Variants in C12orf42 observed in about 807,000 individuals in gnomAD.
The protein encoded by C12orf42 is uncharacterized protein C12orf42.
A neutral mutation model predicts 21.6 loss-of-function variants in C12orf42; 25 were observed. That is an observed-to-expected ratio of 1.16 (90% confidence interval 0.84 to 1.62). The LOEUF (loss-of-function observed/expected upper bound fraction) is 1.62. Ranked by LOEUF, C12orf42 falls within the 40% of genes most tolerant of loss-of-function variation. C12orf42 has a pLI of 0.00. For synonymous variants in C12orf42, 174 were observed against 175.0 expected, an observed-to-expected ratio of 0.99 and a Z score of 0.05; for missense variants, 483 against 459.3, an observed-to-expected ratio of 1.05 and a Z score of -0.47.
intron 3 of C12orf42, among the ~76,000 whole-genome samples, chr12:103,392,771 TTAG>T (rs1238672053): frequency 6.6e-6 from 1 of 152,220 alleles, no homozygotes; most frequent in Non-Finnish European, 1.5e-5. Context: ...GGCACTTGCA[TTAG>T]CAGCCAGACT....
the C12orf42 span, among the ~76,000 whole-genome samples, chr12:103,223,417 G>A: frequency 2.0e-5 from 3 of 152,162 alleles, no homozygotes; most frequent in Non-Finnish European, 4.4e-5. Flanking sequence ...TGGAATAACA[G>A]AAGGAGAAAA....
chr12:103,151,630 A>C, the C12orf42 span, among the ~76,000 whole-genome samples: 1 of 152,204 alleles, frequency 6.6e-6, no homozygotes, highest in African/African-American at 2.4e-5. Context: ...AATGTAAATC[A>C]CACAAAAAAA....
chr12:103,314,769 A>G (rs2039299570), intron 4 of C12orf42, among the ~76,000 whole-genome samples: 1 of 152,152 alleles, frequency 6.6e-6, no homozygotes, highest in South Asian at 2.1e-4. Flanking sequence ...AGCCCCCTTT[A>G]GCCTTCTTGT....
At chr12:103,329,195 T>C (rs1343452038) in intron 4 of C12orf42, among the ~76,000 whole-genome samples, 1 of 152,164 alleles carries the variant, frequency 6.6e-6, no homozygotes, top group Non-Finnish European at 1.5e-5. Flanking sequence ...AGGTGGCACA[T>C]AACCCATCAG....
the C12orf42 span, chr12:103,557,755 G>C: frequency 1.3e-5 from 2 of 152,020 alleles, no homozygotes; most frequent in Non-Finnish European, 2.9e-5. Context: ...TGTTTCCTGG[G>C]ACCACCTCCA....
intron 10 of C12orf42, among the ~76,000 whole-genome samples, chr12:103,238,093 A>T (rs2033537965): frequency 6.6e-6 from 1 of 152,170 alleles, no homozygotes; most frequent in African/African-American, 2.4e-5. Flanking sequence ...GGGACATGGG[A>T]CTAATATGGC....
chr12:103,357,998 T>C (rs1472804937), intron 4 of C12orf42, among the ~76,000 whole-genome samples: 1 of 152,076 alleles, frequency 6.6e-6, no homozygotes, highest in African/African-American at 2.4e-5. Context: ...GATGACCACC[T>C]TGTATGTCTA....
At chr12:103,441,136 C>T (rs1951213292) in intron 2 of C12orf42, among the ~76,000 whole-genome samples, 1 of 152,108 alleles carries the variant, frequency 6.6e-6, no homozygotes, top group Admixed American at 6.6e-5. Flanking sequence ...CCTAGTTGGA[C>T]TCCTAAGTAT....
the C12orf42 span, among the ~76,000 whole-genome samples, chr12:103,117,044 C>A: frequency 6.6e-6 from 1 of 152,058 alleles, no homozygotes; most frequent in Non-Finnish European, 1.5e-5. Context: ...GTGTTGGGAA[C>A]TTCAGTATCC....
chr12:103,359,627 G>T (rs547410817), intron 4 of C12orf42, among the ~76,000 whole-genome samples: 3 of 152,074 alleles, frequency 2.0e-5, no homozygotes, highest in Non-Finnish European at 2.9e-5. Flanking sequence ...ATCAGCATTT[G>T]TCAGGGCTGG....
chr12:103,512,773 G>A, the C12orf42 span, among the ~76,000 whole-genome samples: 3 of 152,122 alleles, frequency 2.0e-5, no homozygotes, highest in Admixed American at 1.3e-4. Flanking sequence ...GGAAGCCAAG[G>A]CGGGTGGATC....
chr12:103,261,476 CAAAAAAAAAAA>C (rs200549825), intron 10 of C12orf42, among the ~76,000 whole-genome samples: 4 of 78,826 alleles, frequency 5.1e-5, no homozygotes, highest in South Asian at 4.0e-4. Flanking sequence ...GAGACTCTTT[CAAAAAAAAAAA>C]AAAAAAAAAA....
chr12:103,426,592 A>C (rs928189333), intron 2 of C12orf42, among the ~76,000 whole-genome samples: 2 of 152,172 alleles, frequency 1.3e-5, no homozygotes, highest in African/African-American at 4.8e-5. Flanking sequence ...CCAACATTCA[A>C]ATTCAGGAAA....
the C12orf42 span, among the ~76,000 whole-genome samples, chr12:103,186,949 G>C: frequency 2.0e-5 from 3 of 152,048 alleles, no homozygotes; most frequent in Admixed American, 6.6e-5. Flanking sequence ...TCTCTCATTT[G>C]TTCATTTGTA....
chr12:103,298,152 A>T (rs1265333497), downstream of C12orf42, among the ~76,000 whole-genome samples: 2 of 151,932 alleles, frequency 1.3e-5, no homozygotes, highest in Non-Finnish European at 2.9e-5. Context: ...TTAGGAAAAG[A>T]GGAAGTCAAA....
At chr12:103,548,022 G>A in the C12orf42 span, 2 of 152,186 alleles carry the variant, frequency 1.3e-5, no homozygotes, top group East Asian at 1.9e-4. Context: ...TGTTCAAACA[G>A]TTTATATGTA....
chr12:103,369,267 G>A (rs982941205), intron 3 of C12orf42, among the ~76,000 whole-genome samples: 1 of 151,860 alleles, frequency 6.6e-6, no homozygotes, highest in African/African-American at 2.4e-5. Flanking sequence ...TACACTATAT[G>A]CTAGATATTA....
chr12:103,056,544 C>A, the C12orf42 span, among the ~76,000 whole-genome samples: 3 of 152,100 alleles, frequency 2.0e-5, no homozygotes, highest in African/African-American at 7.2e-5. Context: ...GCTCTATCTT[C>A]TTTTTCCTCT....
At chr12:103,447,372 A>T (rs759559559) in intron 2 of C12orf42, among the ~76,000 whole-genome samples, 8 of 152,010 alleles carry the variant, frequency 5.3e-5, no homozygotes, top group Non-Finnish European at 1.0e-4. Flanking sequence ...ATTTCCCCTG[A>T]GAATCGGAAC....
Sources: gnomAD v4.1 joint callset for allele counts (sites outside exome capture counted in the v4.1 genomes callset) on GRCh38, gnomAD v4.1.1 for gene constraint, MANE v1.5 for transcripts, NCBI Gene and HGNC (gene_info 2026-07-23, HGNC 2026-07-21) for gene names.